Variants in CAST observed in about 807,000 individuals in gnomAD.
The protein encoded by CAST is MIR583 host.
In CAST, 76 loss-of-function variants were observed where a neutral mutation model predicts 119.6. The ratio of observed to expected loss-of-function variants is 0.64; its 90% CI spans 0.53 to 0.77. The LOEUF is 0.77. CAST is among the 30% of genes least tolerant of loss of function. The probability of loss-of-function intolerance (pLI) is 0.00; values close to 1 mark genes in which losing one functional copy is unlikely to be tolerated. For synonymous variants in CAST, 319 were observed against 331.6 expected (o/e 0.96, Z 0.41); for missense variants, 953 against 946.5 (o/e 1.01, Z -0.09).
At chr5:96,247,149 T>C in the CAST span, among the ~76,000 whole-genome samples, 1 of 152,252 alleles carries the variant, frequency 6.6e-6, no homozygotes, top group East Asian at 1.9e-4. Flanking sequence ...AGCTGTCCCG[T>C]AGCACTGTCA....
intron 2 of CAST, among the ~76,000 whole-genome samples, chr5:96,680,732 TG>T (rs1243116354): frequency 6.6e-6 from 1 of 152,222 alleles, no homozygotes; most frequent in African/African-American, 2.4e-5. Flanking sequence ...GCTCTGTTTT[TG>T]AAGGGAGGAG....
the CAST span, among the ~76,000 whole-genome samples, chr5:96,462,472 A>G: frequency 6.6e-6 from 1 of 152,142 alleles, no homozygotes; most frequent in African/African-American, 2.4e-5. Context: ...TTAGTAGTAC[A>G]TGCTTTCTTG....
chr5:96,660,644 A>AAGAAAATCATTCTAGTTCCTGG (rs1748298920), upstream of CAST, among the ~76,000 whole-genome samples: 1 of 152,178 alleles, frequency 6.6e-6, no homozygotes, highest in Non-Finnish European at 1.5e-5. Flanking sequence ...GCTCCCCAGT[A>AAGAAAATCATTCTAGTTCCTGG]AGAAAATCAT....
chr5:96,225,559 G>C, the CAST span, among the ~76,000 whole-genome samples: 1 of 152,066 alleles, frequency 6.6e-6, no homozygotes, highest in Non-Finnish European at 1.5e-5. Context: ...AAGCAGTGAA[G>C]GTAAAATTAT....
intron 1 of CAST, among the ~76,000 whole-genome samples, chr5:96,533,578 G>C (rs1402507323): frequency 1.3e-5 from 2 of 152,096 alleles, no homozygotes; most frequent in African/African-American, 4.8e-5. Context: ...CTGACACTTA[G>C]AAAAATTGCA....
In CAST at chr5:96,650,728, TTGTGTG is replaced by T. The variant is rs34230121; in HGVS notation, c.61-24777_61-24772del. ...GTCTCCCTACCTCTTACCCACTTAA[TTGTGTG>T]TGTGTGTGTGTGTGTGTGTGTGTGT... On this transcript the variant is annotated intron_variant, in intron 1 of 11. Transcript: ENST00000505143. 7.3e-3 allele frequency among the ~76,000 whole-genome samples: 1,037 copies of T among 142,090 alleles called. 8 individuals carry two copies. Among genetic ancestry groups the T allele is most frequent in the African/African-American group, 0.017 (656 of 38,116 alleles). The allele number at this position is 142,090 out of a possible 152,430, so 93.2% of individuals were successfully genotyped here.
chr5:96,060,365 C>T, the CAST span, among the ~76,000 whole-genome samples: 1 of 152,000 alleles, frequency 6.6e-6, no homozygotes, highest in Admixed American at 6.6e-5. Flanking sequence ...GGTAAAGATC[C>T]ACATGCTATA....
chr5:96,542,717 T>C (rs896157232), intron 1 of CAST, among the ~76,000 whole-genome samples: 1 of 152,224 alleles, frequency 6.6e-6, no homozygotes, highest in African/African-American at 2.4e-5. Flanking sequence ...AAGACATATG[T>C]TTTACAACTA....
At chr5:96,137,170 TG>T in the CAST span, among the ~76,000 whole-genome samples, 1 of 152,208 alleles carries the variant, frequency 6.6e-6, no homozygotes, top group South Asian at 2.1e-4. Flanking sequence ...GGAATATCTC[TG>T]GTGCTTCAGT....
chr5:95,961,905 C>A, the CAST span: 1 of 729,968 alleles, frequency 1.4e-6, no homozygotes, highest in Non-Finnish European at 2.0e-6. Context: ...ACCCTCCGGC[C>A]CCGCGCCCCG....
At chr5:96,707,029 T>G (rs1440754689) in intron 3 of CAST, among the ~76,000 whole-genome samples, 1 of 152,222 alleles carries the variant, frequency 6.6e-6, no homozygotes, top group Non-Finnish European at 1.5e-5. Context: ...CAACCCGAGG[T>G]GCAAAAGTGC....
chr5:96,286,266 A>G, the CAST span, among the ~76,000 whole-genome samples: 1 of 152,208 alleles, frequency 6.6e-6, no homozygotes, highest in Non-Finnish European at 1.5e-5. Context: ...TCATTCTAAG[A>G]TGCTTTAAAT....
the CAST span, chr5:96,408,443 A>G: frequency 4.1e-6 from 3 of 730,148 alleles, no homozygotes; most frequent in Non-Finnish European, 7.3e-6. Context: ...AGCTGATTCG[A>G]TTGCCTACTT....
At chr5:96,399,468 T>C in the CAST span, among the ~76,000 whole-genome samples, 1 of 152,164 alleles carries the variant, frequency 6.6e-6, no homozygotes, top group Non-Finnish European at 1.5e-5. Context: ...TGTGGTGTGC[T>C]AGAGGGAGTC....
chr5:96,207,834 T>C, the CAST span, among the ~76,000 whole-genome samples: 1 of 152,176 alleles, frequency 6.6e-6, no homozygotes, highest in Admixed American at 6.6e-5. Context: ...GAGGAGTCCC[T>C]CCTTTTCAAC....
the CAST span, among the ~76,000 whole-genome samples, chr5:96,168,151 T>TG: frequency 1.3e-5 from 2 of 151,964 alleles, no homozygotes; most frequent in African/African-American, 4.8e-5. Flanking sequence ...GAAGTTTCAG[T>TG]GGGGGAGTAG....
the CAST span, among the ~76,000 whole-genome samples, chr5:96,083,371 T>G: frequency 2.6e-5 from 4 of 152,186 alleles, no homozygotes; most frequent in Non-Finnish European, 5.9e-5. Context: ...CTGGCCTCAG[T>G]GTATCATCCA....
the CAST span, among the ~76,000 whole-genome samples, chr5:96,499,268 C>A: frequency 6.6e-6 from 1 of 152,088 alleles, no homozygotes; most frequent in Non-Finnish European, 1.5e-5. Context: ...TATGAGCATA[C>A]CTCTGAGATA....
At position 96,672,805 on chromosome 5, in the gene CAST, A is replaced by C. The variant is rs188173883; in HGVS notation, c.76-2734A>C. Among the ~76,000 whole-genome samples, 500 of 151,586 alleles carry C rather than the reference A, an allele frequency of 3.3e-3. 5 individuals carry two copies. Among genetic ancestry groups the C allele is most frequent in the Non-Finnish European group, 1.0e-3 (68 of 67,912 alleles). On this transcript the variant is annotated intron_variant, in intron 1 of 31. Transcript: ENST00000675179. ...ATAAGTGATTTTTATTTATGTCATTATACTTTTGTGTATTTTAAAATGGCT... is the reference window on the plus strand; with the variant it reads ...ATAAGTGATTTTTATTTATGTCATTCTACTTTTGTGTATTTTAAAATGGCT...
Sources: gnomAD v4.1 joint callset for allele counts (sites outside exome capture counted in the v4.1 genomes callset) on GRCh38, gnomAD v4.1.1 for gene constraint, MANE v1.5 for transcripts, NCBI Gene and HGNC (gene_info 2026-07-23, HGNC 2026-07-21) for gene names.